The following MAP3K2 variants were observed in gnomAD, a reference collection of about 807,000 sequenced individuals.
MAP3K2 encodes MAP/ERK kinase kinase 2.
A neutral mutation model predicts 80.3 loss-of-function variants in MAP3K2; 24 were observed. The ratio of observed to expected loss-of-function variants is 0.30; its 90% CI spans 0.22 to 0.42. The LOEUF is 0.42. MAP3K2 is among the 10% of genes least tolerant of loss of function. The pLI is 1.00. For missense variants in MAP3K2, 608 were observed against 750.1 expected (o/e 0.81, Z 2.21); for synonymous variants, 244 against 253.7 (o/e 0.96, Z 0.36).
At chr2:127,366,618 G>T (rs1055235136) in intron 1 of MAP3K2, among the ~76,000 whole-genome samples, 16 of 151,992 alleles carry the variant, frequency 1.1e-4, no homozygotes, top group African/African-American at 3.9e-4. Flanking sequence ...GTGTCTCCCT[G>T]AATTATTTTT....
At chr2:127,311,456 C>T (rs988553658) in intron 15 of MAP3K2, among the ~76,000 whole-genome samples, 8 of 152,044 alleles carry the variant, frequency 5.3e-5, no homozygotes, top group Non-Finnish European at 8.8e-5. Flanking sequence ...ACAAGAAGGG[C>T]GGAGGAGAAA....
At position 127,322,161 on chromosome 2, in the gene MAP3K2, A is replaced by C; in HGVS notation, c.930T>G (p.Thr310=). ...SFSPTDHSLS[T]SSGSSIFTPE... is the part of the protein sequence containing the mutation. ...GGGTAAAGATACTGCTTCCACTACT[A>C]GTGCTTAAGGAATGATCAGTAGGAC... is the stretch of plus-strand genomic sequence containing the variant. Residue 310 remains threonine, a synonymous_variant, in exon 12 of 17, where the codon ACT becomes ACG. Transcript: ENST00000682094. This position sits in a 1 kb window ranked among gnomAD's most constrained non-coding sequence, Gnocchi z 4.2. The C allele has an allele frequency of 1.2e-6, 2 of 1,613,868 alleles. No homozygotes were observed. Among genetic ancestry groups the C allele is most frequent in the Non-Finnish European group, 1.7e-6 (2 of 1,179,762 alleles).
intron 13 of MAP3K2, among the ~76,000 whole-genome samples, 187 bp downstream of exon 13, chr2:127,317,982 T>C (rs1485046432): frequency 6.7e-6 from 1 of 149,762 alleles, no homozygotes; most frequent in Non-Finnish European, 1.5e-5. Flanking sequence ...AAAAGAAAAA[T>C]CCATATTAAA....
At chr2:127,376,782 G>C (rs921374836) in intron 1 of MAP3K2, among the ~76,000 whole-genome samples, 1 of 152,146 alleles carries the variant, frequency 6.6e-6, no homozygotes, top group African/African-American at 2.4e-5. Flanking sequence ...AAATCATGCT[G>C]ATGCTGTGCA....
At chr2:127,309,349 C>A (rs1442894208) in intron 15 of MAP3K2, among the ~76,000 whole-genome samples, 1 of 152,026 alleles carries the variant, frequency 6.6e-6, no homozygotes, top group Non-Finnish European at 1.5e-5. Flanking sequence ...TTTAAAATTT[C>A]ATTAGCTTTT....
In MAP3K2 at chr2:127,386,581, A is replaced by T. The variant is rs187007816; in HGVS notation, c.-66+871T>A. On this transcript the variant is annotated intron_variant, in intron 1 of 16. Coordinates refer to ENST00000682094, the MANE Select transcript of MAP3K2 (RefSeq NM_001371910.2). ...GACTTTTCAAGATCTATGCAGTTTT[A>T]CCAAATGTATTTATTTTTTGTGAGA... Among the ~76,000 whole-genome samples, 46 of 152,372 alleles carry T rather than the reference A, an allele frequency of 3.0e-4. 1 individual carries two copies. The highest frequency in any genetic ancestry group is 9.9e-4 in the African/African-American group (41 of 41,586).
At chr2:127,367,693 T>G (rs1423337691) in intron 1 of MAP3K2, among the ~76,000 whole-genome samples, 1 of 151,954 alleles carries the variant, frequency 6.6e-6, no homozygotes, top group Non-Finnish European at 1.5e-5. Flanking sequence ...CTCGGGAGGC[T>G]GAGGCACGAG....
At position 127,299,357 on chromosome 2, in the gene MAP3K2, T is replaced by C. The variant is rs1685546817; in HGVS notation, c.*8222A>G. On this transcript the variant is annotated 3_prime_UTR_variant, in exon 17 of 17. Transcript: ENST00000682094. ...TGGACATTTCAAAACCAATTTATAG[T>C]CAATTACAAAGAATCACAATATGCC... The C allele has an allele frequency of 6.6e-6, 1 of 152,168 alleles. No individual in the cohort carries two copies. Among genetic ancestry groups the C allele is most frequent in the South Asian group, 2.1e-4 (1 of 4,826 alleles). 9.4% of individuals were successfully genotyped at this position (152,168 alleles called of 1,614,324 possible).
intron 12 of MAP3K2, among the ~76,000 whole-genome samples, chr2:127,319,699 T>C (rs1193044529): frequency 2.2e-5 from 3 of 133,590 alleles, no homozygotes; most frequent in Non-Finnish European, 3.1e-5. Flanking sequence ...AATAGCCAGG[T>C]GTGGTGGCAG....
chr2:127,375,752 T>C lies in MAP3K2; in HGVS notation c.-66+11700A>G, dbSNP rs182844960. ...GGCCCATCCTCTAAATCCGCCTTTCTTCTGCCCTGTTACTTAGACAAATAC... is the reference window on the plus strand; with the variant it reads ...GGCCCATCCTCTAAATCCGCCTTTCCTCTGCCCTGTTACTTAGACAAATAC... On this transcript the variant is annotated intron_variant, in intron 1 of 16. Transcript: ENST00000682094. 9.9e-5 allele frequency among the ~76,000 whole-genome samples: 15 copies of C among 152,266 alleles called. No individual in the cohort carries two copies. The East Asian group carries it at 2.9e-3, about 29-fold the overall frequency.
intron 12 of MAP3K2, among the ~76,000 whole-genome samples, chr2:127,320,045 T>G (rs534910145): frequency 6.6e-6 from 1 of 152,312 alleles, no homozygotes; most frequent in East Asian, 1.9e-4. Context: ...GAGCTGTGCC[T>G]ATTTCCAGGC....
intron 12 of MAP3K2, among the ~76,000 whole-genome samples, chr2:127,320,857 A>G (rs1686005897): frequency 6.6e-6 from 1 of 152,160 alleles, no homozygotes. Context: ...AGTGGCTCAC[A>G]CCTGTAATCC....
chr2:127,385,935 A>T (rs1687336948), intron 1 of MAP3K2, among the ~76,000 whole-genome samples: 2 of 152,246 alleles, frequency 1.3e-5, no homozygotes, highest in South Asian at 2.1e-4. Context: ...AGTTTCTCAA[A>T]AGAGGCACAT....
rs114307058 is a variant in MAP3K2 at position 127,345,447 on chromosome 2, G to A, written c.-65-2253C>T. On this transcript the variant is annotated intron_variant, in intron 1 of 16. Coordinates refer to ENST00000682094, the MANE Select transcript of MAP3K2 (RefSeq NM_001371910.2). The stretch of plus-strand genomic sequence containing the variant: ...TAAAAGTTGGAGATTTCAATGCCCT[G>A]CGTTCAATAACGGATAAAATAAGTA... Among the ~76,000 whole-genome samples the A allele has an allele frequency of 3.9e-3, 598 of 152,308 alleles. 2 individuals are homozygous for A. The highest frequency in any genetic ancestry group is 0.014 in the African/African-American group (562 of 41,566).
chr2:127,343,835 C>T (rs1686544438), intron 1 of MAP3K2, among the ~76,000 whole-genome samples: 1 of 151,662 alleles, frequency 6.6e-6, no homozygotes, highest in African/African-American at 2.4e-5. Context: ...CTGTCCAACA[C>T]GGTGAAACCC....
chr2:127,302,929 A>C lies in MAP3K2; in HGVS notation c.*4650T>G, dbSNP rs74871774. 3.7e-4 allele frequency: 56 copies of C among 152,176 alleles called. 1 individual carries two copies. In the East Asian group the frequency reaches 4.8e-3, roughly 13 times the overall value. 9.4% of individuals were successfully genotyped at this position (152,176 alleles called of 1,614,324 possible). The stretch of plus-strand genomic sequence containing the variant: ...AAAGGAGGTAGAAAAGGGTAGGAGG[A>C]GGCAGGCATTAAGAAACATTTAAGG... On this transcript the variant is annotated 3_prime_UTR_variant, in exon 17 of 17. Transcript: ENST00000682094.
At chr2:127,365,487 C>CT (rs1200620182) in intron 1 of MAP3K2, among the ~76,000 whole-genome samples, 1 of 152,210 alleles carries the variant, frequency 6.6e-6, no homozygotes, top group East Asian at 1.9e-4. Context: ...GAGCAAAAGA[C>CT]TTTCTGAAGA....
chr2:127,333,241 A>C (rs1474601526), intron 5 of MAP3K2, among the ~76,000 whole-genome samples: 1 of 149,856 alleles, frequency 6.7e-6, no homozygotes, highest in Non-Finnish European at 1.5e-5. Flanking sequence ...ACACACACAC[A>C]CATGCACCCT....
At chr2:127,356,334 TTTC>T (rs1339677777) in intron 1 of MAP3K2, among the ~76,000 whole-genome samples, 1 of 152,124 alleles carries the variant, frequency 6.6e-6, no homozygotes, top group African/African-American at 2.4e-5. Context: ...ACAAAATGCA[TTTC>T]TTTTTCTTTT....
Sources: gnomAD v4.1 joint callset for allele counts (sites outside exome capture counted in the v4.1 genomes callset) on GRCh38, gnomAD v4.1.1 for gene constraint, Gnocchi (gnomAD v3.1) non-coding constraint, MANE v1.5 for transcripts, NCBI Gene and HGNC (gene_info 2026-07-23, HGNC 2026-07-21) for gene names.